APBA2: variants seen among roughly 807,000 people sequenced by gnomAD.
The protein encoded by APBA2 is amyloid-beta A4 precursor protein-binding family A member 2.
In APBA2, 30 loss-of-function variants were observed where a neutral mutation model predicts 75.0. That is an observed-to-expected ratio of 0.40 (90% confidence interval 0.30 to 0.54). The LOEUF is 0.54. Among genes scored for constraint, APBA2 ranks in the 20% least tolerant of loss-of-function variants. The pLI is 0.49. For synonymous variants in APBA2, 444 were observed against 409.6 expected (o/e 1.08, Z -1.01); for missense variants, 801 against 1,016.1 (o/e 0.79, Z 2.88).
intron 14 of APBA2, among the ~76,000 whole-genome samples, chr15:29,114,756 CTG>C (rs2044968744): frequency 1.4e-5 from 2 of 144,234 alleles, no homozygotes; most frequent in Admixed American, 6.7e-5. Context: ...GGGTGTGTGG[CTG>C]TGTGAATGTA....
chr15:28,889,797 C>T (rs1056274048), intron 1 of APBA2, among the ~76,000 whole-genome samples: 1 of 152,228 alleles, frequency 6.6e-6, no homozygotes, highest in Non-Finnish European at 1.5e-5. Context: ...CACTTATTGC[C>T]CACTCCCTGA....
At position 29,054,324 on chromosome 15, in the gene APBA2, C is replaced by G. The variant is rs758943858; in HGVS notation, c.440C>G (p.Pro147Arg). Reference sequence around the variant, plus strand: ...GAGGAGTGGACGGACTCGGCGGGCCCGCACCCCCACGGCCACGAGGCTGAA... The same window carrying G: ...GAGGAGTGGACGGACTCGGCGGGCCGGCACCCCCACGGCCACGAGGCTGAA... ...AVEEWTDSAG[P>R]HPHGHEAEGS... Residue 147 changes from proline (P) to arginine (R), a missense_variant, in exon 4 of 15, where the codon CCG (proline) becomes CGG (arginine). Physicochemically the swap from Pro to Arg is moderately radical, Grantham distance 103 (BLOSUM62 -2). Coordinates refer to ENST00000683413, the MANE Select transcript of APBA2 (RefSeq NM_001353788.2). This position sits in a 1 kb window ranked among gnomAD's most constrained non-coding sequence, Gnocchi z 6.1. The G allele has an allele frequency of 1.2e-6, 2 of 1,613,832 alleles. No homozygotes were observed. Among genetic ancestry groups the G allele is most frequent in the Non-Finnish European group, 1.7e-6 (2 of 1,179,998 alleles).
At chr15:29,077,886 T>A (rs763331770) in intron 6 of APBA2, among the ~76,000 whole-genome samples, 4 of 152,194 alleles carry the variant, frequency 2.6e-5, no homozygotes, top group Non-Finnish European at 4.4e-5. Flanking sequence ...AACCCTAGAA[T>A]ATAATGGATA....
At chr15:29,076,924 C>T (rs1238527274) in intron 6 of APBA2, among the ~76,000 whole-genome samples, 3 of 152,114 alleles carry the variant, frequency 2.0e-5, no homozygotes, top group South Asian at 2.1e-4. Context: ...CCCCCAAATT[C>T]GCCTTTAGAG....
chr15:28,959,349 G>A (rs1056210854), intron 2 of APBA2, among the ~76,000 whole-genome samples: 4 of 152,204 alleles, frequency 2.6e-5, no homozygotes, highest in African/African-American at 9.7e-5. Flanking sequence ...TTCACCCCCA[G>A]GACCTCAGAA....
At chr15:28,897,789 A>G (rs1031566425) in intron 1 of APBA2, among the ~76,000 whole-genome samples, 5 of 152,194 alleles carry the variant, frequency 3.3e-5, no homozygotes, top group African/African-American at 1.2e-4. Context: ...TATGACCAGC[A>G]GTCTCAATCC....
chr15:28,953,307 T>C (rs1375957574), intron 2 of APBA2, among the ~76,000 whole-genome samples: 1 of 152,200 alleles, frequency 6.6e-6, no homozygotes, highest in Non-Finnish European at 1.5e-5. Flanking sequence ...TCCAGCAGCA[T>C]TGCCTGTGGT....
chr15:28,934,371 G>A (rs985242954), intron 2 of APBA2, among the ~76,000 whole-genome samples: 1 of 152,186 alleles, frequency 6.6e-6, no homozygotes, highest in Non-Finnish European at 1.5e-5. Flanking sequence ...GTGCCCATCT[G>A]CCTGGAGTCC....
chr15:29,031,301 C>T (rs2040475400), intron 3 of APBA2, among the ~76,000 whole-genome samples: 1 of 152,134 alleles, frequency 6.6e-6, no homozygotes, highest in Admixed American at 6.5e-5. Context: ...GACTTGGTGT[C>T]GGAATCCATA....
intron 3 of APBA2, among the ~76,000 whole-genome samples, chr15:29,029,973 C>T (rs561293595): frequency 7.2e-5 from 11 of 152,256 alleles, no homozygotes; most frequent in East Asian, 1.9e-4. Context: ...TGGGGTTTGT[C>T]GAGGGAGTCC....
At position 29,054,003 on chromosome 15, in the gene APBA2, G is replaced by T; in HGVS notation, c.119G>T (p.Gly40Val). 6.2e-7 allele frequency: 1 copy of T among 1,613,930 alleles called. No homozygotes were observed. Among genetic ancestry groups the T allele is most frequent in the East Asian group, 2.2e-5 (1 of 44,834 alleles). ...ESEDMELPLE[G>V]YVPEGLELAA... ...GAGGACATGGAGCTGCCCTTGGAGG[G>T]CTATGTGCCCGAGGGCCTGGAGCTG... is the stretch of plus-strand genomic sequence containing the variant. The change falls in exon 4 of 15, where the codon GGC becomes GTC. Residue 40 changes from glycine to valine, a missense_variant. Physicochemically the swap from Gly to Val is moderately radical, Grantham distance 109 (BLOSUM62 -3). Transcript: ENST00000683413. The surrounding 1 kb of genome is among the most constrained non-coding windows in gnomAD (Gnocchi z 6.1).
At chr15:29,090,649 G>T (rs559285072) in intron 6 of APBA2, among the ~76,000 whole-genome samples, 22 of 152,314 alleles carry the variant, frequency 1.4e-4, no homozygotes, top group Middle Eastern at 3.4e-3. Flanking sequence ...CTGTGAGGCT[G>T]GGGTACCTGG....
chr15:28,993,493 A>C (rs1057083930), intron 2 of APBA2, among the ~76,000 whole-genome samples: 3 of 152,240 alleles, frequency 2.0e-5, no homozygotes, highest in African/African-American at 7.2e-5. Context: ...GGTGGTGGAC[A>C]GGGGCCCAGA....
chr15:28,985,950 T>C (rs1295474430), intron 2 of APBA2, among the ~76,000 whole-genome samples: 1 of 152,212 alleles, frequency 6.6e-6, no homozygotes, highest in Non-Finnish European at 1.5e-5. Context: ...TGCCCTGGGC[T>C]TGCCAGACAC....
intron 3 of APBA2, among the ~76,000 whole-genome samples, chr15:29,020,205 A>G (rs1391032430): frequency 3.3e-5 from 5 of 151,868 alleles, no homozygotes; most frequent in Admixed American, 6.6e-5. Context: ...AAAAAGGTTT[A>G]ATACATCCTG....
chr15:28,891,601 A>C (rs2032133939), intron 1 of APBA2, among the ~76,000 whole-genome samples: 1 of 152,162 alleles, frequency 6.6e-6, no homozygotes. Flanking sequence ...TTGGTGGGAC[A>C]TGAAGGTGTT....
intron 1 of APBA2, among the ~76,000 whole-genome samples, chr15:28,897,561 T>C (rs958711382): frequency 1.8e-4 from 24 of 134,106 alleles, no homozygotes; most frequent in Non-Finnish European, 3.5e-4. Flanking sequence ...GAGGTTGCAG[T>C]GAGCCGAGAT....
At chr15:28,994,223 C>T (rs2038386515) in intron 2 of APBA2, among the ~76,000 whole-genome samples, 1 of 152,182 alleles carries the variant, frequency 6.6e-6, no homozygotes, top group Non-Finnish European at 1.5e-5. Context: ...TAGTTATTGG[C>T]CAGTTTTATA....
chr15:28,896,127 T>A (rs1055852885), intron 1 of APBA2, among the ~76,000 whole-genome samples: 35 of 152,034 alleles, frequency 2.3e-4, no homozygotes, highest in Non-Finnish European at 4.4e-4. Context: ...AATATCTGAT[T>A]TGAAGGAGAG....
Sources: gnomAD v4.1 joint callset for allele counts (sites outside exome capture counted in the v4.1 genomes callset) on GRCh38, gnomAD v4.1.1 for gene constraint, Gnocchi (gnomAD v3.1) non-coding constraint, MANE v1.5 for transcripts, NCBI Gene and HGNC (gene_info 2026-07-23, HGNC 2026-07-21) for gene names.